Variants in NTN1 observed in about 807,000 individuals in gnomAD.
The protein encoded by NTN1 is netrin-1.
Under a neutral mutation model 54.2 loss-of-function variants are expected in NTN1, and 11 were observed. The observed-to-expected ratio is 0.20, with a 90% confidence interval of 0.13 to 0.34. The LOEUF is 0.34. NTN1 is among the 10% of genes least tolerant of loss of function. The pLI, the probability that NTN1 is intolerant of heterozygous loss-of-function variation, is 1.00. For synonymous variants in NTN1, 371 were observed against 382.0 expected, an observed-to-expected ratio of 0.97 and a Z score of 0.33; for missense variants, 740 against 893.1, an observed-to-expected ratio of 0.83 and a Z score of 2.18.
rs1206133199 is a variant in NTN1, at chr17:9,212,161, T to C, written c.1412-9007T>C. ...TAGAGAGATGGGTGGGGGCTAGAGA[T>C]CTGCCTGTGGGCCCCAGCTCTCCCT... is the stretch of plus-strand genomic sequence containing the variant. On this transcript the variant is annotated intron_variant, in intron 5 of 6. Transcript: ENST00000173229. The surrounding 1 kb of genome is among the most constrained non-coding windows in gnomAD (Gnocchi z 5.5). Among the ~76,000 whole-genome samples the C allele has an allele frequency of 6.6e-6, 1 of 152,154 alleles. No individual in the cohort carries two copies. The highest frequency in any genetic ancestry group is 1.5e-5 in the Non-Finnish European group (1 of 68,026).
Position 9,083,316 on chromosome 17 carries a change from G to A in NTN1, c.1018+59925G>A, listed in dbSNP as rs144352295. Among the ~76,000 whole-genome samples, 24 of 152,282 alleles carry A rather than the reference G, an allele frequency of 1.6e-4. No homozygotes were observed. The East Asian group carries it at 4.6e-3, about 29-fold the overall frequency. On this transcript the variant is annotated intron_variant, in intron 2 of 6. Transcript: ENST00000173229. ...TCACCATGTTGGCCAGGCTGGTCTC[G>A]AACTCCTGACCTCAGGTGATTGGCC...
At chr17:9,233,133 TG>T (rs963403231) in intron 6 of NTN1, among the ~76,000 whole-genome samples, 7 of 152,036 alleles carry the variant, frequency 4.6e-5, no homozygotes, top group South Asian at 2.1e-4. Context: ...TGGGAGCCAC[TG>T]GGGGCCCACC....
intron 2 of NTN1, among the ~76,000 whole-genome samples, chr17:9,113,342 C>G (rs1392375650): frequency 2.0e-5 from 3 of 151,908 alleles, no homozygotes; most frequent in African/African-American, 7.3e-5. Flanking sequence ...ATTTTTAAAG[C>G]AGAAATACAT....
chr17:9,108,350 G>A (rs1230154048), intron 2 of NTN1, among the ~76,000 whole-genome samples: 1 of 152,016 alleles, frequency 6.6e-6, no homozygotes, highest in African/African-American at 2.4e-5. Context: ...CCCAGGAAGG[G>A]GTGCCTCGTA....
intron 2 of NTN1, among the ~76,000 whole-genome samples, chr17:9,155,393 G>A (rs2092338589): frequency 6.7e-6 from 1 of 148,894 alleles, no homozygotes; most frequent in Non-Finnish European, 1.5e-5. Context: ...CCAGGCTGGA[G>A]TGCAATGGCG....
chr17:9,229,016 CTGTG>C (rs367916973), intron 6 of NTN1, among the ~76,000 whole-genome samples: 4 of 57,446 alleles, frequency 7.0e-5, no homozygotes, highest in African/African-American at 2.6e-4. Context: ...GTAAGTGTGA[CTGTG>C]TGAGACTGTG....
intron 2 of NTN1, among the ~76,000 whole-genome samples, chr17:9,149,651 C>T (rs568473339): frequency 1.2e-4 from 19 of 152,196 alleles, no homozygotes; most frequent in Non-Finnish European, 2.1e-4. Context: ...GAAGGCTGCA[C>T]CAGCCCCAAG....
intron 5 of NTN1, chr17:9,183,813 G>C (rs2092425912): frequency 6.1e-6 from 1 of 163,524 alleles, no homozygotes; most frequent in Admixed American, 5.8e-5. Context: ...ACCAGTCCTT[G>C]GCACAAGAAA....
At chr17:9,092,991 C>T (rs2092117792) in intron 2 of NTN1, among the ~76,000 whole-genome samples, 1 of 152,198 alleles carries the variant, frequency 6.6e-6, no homozygotes, top group Non-Finnish European at 1.5e-5. Context: ...ATCTCCTGCC[C>T]TTGTGATCCG....
intron 2 of NTN1, among the ~76,000 whole-genome samples, chr17:9,057,423 C>T (rs545880050): frequency 6.6e-5 from 10 of 152,208 alleles, no homozygotes; most frequent in East Asian, 3.9e-4. Context: ...AGTGATTGCC[C>T]GGGCTTATCA....
chr17:9,011,583 A>G, the NTN1 span, among the ~76,000 whole-genome samples: 3 of 152,000 alleles, frequency 2.0e-5, no homozygotes, highest in African/African-American at 7.2e-5. Flanking sequence ...ACAGATATGG[A>G]TATCTTTTGG....
At chr17:9,171,805 GGA>G (rs2142307890) in intron 3 of NTN1, 1 of 152,484 alleles carries the variant, frequency 6.6e-6, no homozygotes, top group East Asian at 1.9e-4. Context: ...CTTGGTGTCT[GGA>G]GAGGAGTTGG....
At chr17:9,226,951 C>A (rs1252438322) in intron 6 of NTN1, among the ~76,000 whole-genome samples, 1 of 152,064 alleles carries the variant, frequency 6.6e-6, no homozygotes, top group African/African-American at 2.4e-5. Context: ...CCCAGCCCCG[C>A]CCCCCGAGGC....
intron 2 of NTN1, among the ~76,000 whole-genome samples, chr17:9,122,187 G>A (rs531076980): frequency 3.7e-4 from 57 of 152,004 alleles, no homozygotes; most frequent in Non-Finnish European, 7.1e-4. Flanking sequence ...ACAGGTGCCC[G>A]CCACCACACC....
intron 3 of NTN1, chr17:9,174,963 C>T (rs2092396230): frequency 6.6e-6 from 1 of 152,476 alleles, no homozygotes; most frequent in Admixed American, 6.5e-5. Flanking sequence ...GCTGGCTTTC[C>T]TGTCCTCTAT....
intron 6 of NTN1, among the ~76,000 whole-genome samples, chr17:9,234,504 C>T (rs1429771033): frequency 6.6e-6 from 1 of 152,232 alleles, no homozygotes; most frequent in Non-Finnish European, 1.5e-5. Flanking sequence ...CTTTTCTAGG[C>T]ACCCGCCTCC....
intron 2 of NTN1, among the ~76,000 whole-genome samples, chr17:9,040,511 T>C (rs1391827193): frequency 6.6e-6 from 1 of 152,190 alleles, no homozygotes; most frequent in Non-Finnish European, 1.5e-5. Flanking sequence ...TCTCACAGTG[T>C]TTCAGTTTCT....
chr17:9,058,770 A>G (rs2091987349), intron 2 of NTN1, among the ~76,000 whole-genome samples: 1 of 151,902 alleles, frequency 6.6e-6, no homozygotes, highest in South Asian at 2.1e-4. Flanking sequence ...GGGTTTGACC[A>G]TTTATATTTT....
At chr17:9,178,199 A>C (rs2092406439) in intron 3 of NTN1, among the ~76,000 whole-genome samples, 1 of 152,206 alleles carries the variant, frequency 6.6e-6, no homozygotes, top group African/African-American at 2.4e-5. Context: ...TCCATCTCAA[A>C]AGAAAAGAAA....
Sources: allele counts gnomAD v4.1 joint callset (sites outside exome capture counted in the v4.1 genomes callset), GRCh38; gene constraint gnomAD v4.1.1; non-coding constraint Gnocchi (gnomAD v3.1); transcripts MANE v1.5; gene names NCBI Gene and HGNC (gene_info 2026-07-23, HGNC 2026-07-21).